The following CCDC13 variants were observed in gnomAD, a reference collection of about 807,000 sequenced individuals.
CCDC13 encodes the protein coiled-coil domain containing 13.
A neutral mutation model predicts 87.3 loss-of-function variants in CCDC13; 70 were observed. The ratio of observed to expected loss-of-function variants is 0.80; its 90% confidence interval spans 0.66 to 0.98. The LOEUF is 0.98. CCDC13 is among the 50% of genes least tolerant of loss of function. CCDC13 has a pLI of 0.00. For missense variants in CCDC13, 842 were observed against 892.0 expected, an observed-to-expected ratio of 0.94 and a Z score of 0.71; for synonymous variants, 317 against 360.3, an observed-to-expected ratio of 0.88 and a Z score of 1.36.
At chr3:42,748,682 GCCTC>G (rs1305899826) in intron 5 of CCDC13, among the ~76,000 whole-genome samples, 19 of 152,316 alleles carry the variant, frequency 1.2e-4, no homozygotes, top group African/African-American at 4.6e-4. Context: ...AGAAACTCTG[GCCTC>G]ATCCAGTGTC....
intron 13 of CCDC13, among the ~76,000 whole-genome samples, chr3:42,729,518 G>A (rs892277796): frequency 1.3e-5 from 2 of 152,168 alleles, no homozygotes; most frequent in Non-Finnish European, 2.9e-5. Context: ...TGAGCACCCG[G>A]AGGAACTTCA....
chr3:42,729,482 T>C (rs567791746), intron 13 of CCDC13, among the ~76,000 whole-genome samples: 1 of 152,352 alleles, frequency 6.6e-6, no homozygotes, highest in South Asian at 2.1e-4. Flanking sequence ...ATTTTCCCTT[T>C]GGCAAACTAC....
At position 42,732,906 on chromosome 3, in the gene CCDC13, G is replaced by A. The variant is rs1452010127; in HGVS notation, c.1576C>T (p.Pro526Ser). The change falls in exon 12 of 16, where the codon CCC (proline) becomes TCC (serine). Residue 526 changes from proline to serine, a missense_variant. Transcript: ENST00000310232. ...CCATACCTAGGTGAGGTCCTGTGGG[G>A]ACTGGGCAGGGAAGGCCTCGTGAGA... ...SALTRPSLPS[P>S]HRTSPRFSDS... 3 of 1,553,828 alleles carry A rather than the reference G, an allele frequency of 1.9e-6. No homozygotes were observed. Among genetic ancestry groups the A allele is most frequent in the Non-Finnish European group, 2.6e-6 (3 of 1,147,954 alleles).
chr3:42,735,188 G>A (rs959771927), intron 10 of CCDC13, among the ~76,000 whole-genome samples: 3 of 152,252 alleles, frequency 2.0e-5, no homozygotes, highest in African/African-American at 7.2e-5. Flanking sequence ...CCGTGGGGGA[G>A]GAGGGGAGGG....
At chr3:42,757,472 C>T (rs1392025989) in intron 2 of CCDC13, among the ~76,000 whole-genome samples, 1 of 152,226 alleles carries the variant, frequency 6.6e-6, no homozygotes, top group Non-Finnish European at 1.5e-5. Flanking sequence ...GTGGCTCATG[C>T]CTCTAATCCC....
rs1004394229 is a variant in CCDC13, at chr3:42,732,945, G to A, written c.1537C>T (p.Leu513=). The A allele has an allele frequency of 2.4e-5, 37 of 1,553,600 alleles. No homozygotes were observed. The highest frequency in any genetic ancestry group is 3.1e-5 in the Non-Finnish European group (36 of 1,147,924). Residue 513 remains leucine, a synonymous_variant, in exon 12 of 16, where the codon CTG becomes TTG. Transcript: ENST00000310232. ...SRSVTSLGHT[L]VESALTRPSL... Reference sequence around the variant, plus strand: ...GGCCTCGTGAGAGCAGATTCCACCAGTGTGTGGCCCAGGCTGGTCACAGAG... The same window carrying A: ...GGCCTCGTGAGAGCAGATTCCACCAATGTGTGGCCCAGGCTGGTCACAGAG...
chr3:42,761,818 T>C (rs1699838190), intron 1 of CCDC13, among the ~76,000 whole-genome samples: 1 of 152,182 alleles, frequency 6.6e-6, no homozygotes, highest in Non-Finnish European at 1.5e-5. Flanking sequence ...CTTGCTCCTC[T>C]GTTCCTATAC....
chr3:42,743,580 G>T (rs1241843975), intron 7 of CCDC13, among the ~76,000 whole-genome samples: 3 of 76,676 alleles, frequency 3.9e-5, no homozygotes, highest in African/African-American at 6.8e-5. Context: ...ACTGTGCCTG[G>T]ATAATTTTAT....
chr3:42,712,923 G>A (rs965990049), intron 14 of CCDC13, among the ~76,000 whole-genome samples: 3 of 152,222 alleles, frequency 2.0e-5, no homozygotes, highest in Non-Finnish European at 4.4e-5. Flanking sequence ...TCATGCTGAG[G>A]GCTTACAGGT....
chr3:42,712,644 T>C (rs1015534627), intron 14 of CCDC13, among the ~76,000 whole-genome samples: 4 of 152,126 alleles, frequency 2.6e-5, no homozygotes, highest in African/African-American at 4.8e-5. Context: ...CAGGCAGTCA[T>C]TGTAGACCAG....
chr3:42,729,238 C>A (rs1698763272), intron 13 of CCDC13, among the ~76,000 whole-genome samples: 1 of 152,180 alleles, frequency 6.6e-6, no homozygotes, highest in African/African-American at 2.4e-5. Context: ...AGAAAGCCTG[C>A]ATTGAGTATG....
intron 13 of CCDC13, among the ~76,000 whole-genome samples, chr3:42,728,568 G>A (rs1028969162): frequency 8.5e-5 from 13 of 152,184 alleles, no homozygotes; most frequent in Admixed American, 7.2e-4. Flanking sequence ...CATCAGTTTT[G>A]AAAGGAATCA....
At chr3:42,772,684 T>G (rs527372852) in intron 1 of CCDC13, among the ~76,000 whole-genome samples, 1 of 152,230 alleles carries the variant, frequency 6.6e-6, no homozygotes, top group South Asian at 2.1e-4. Flanking sequence ...GGGGTGATGC[T>G]CTGGTTCTCA....
At chr3:42,743,988 G>C (rs146152852) in intron 7 of CCDC13, among the ~76,000 whole-genome samples, 3 of 152,124 alleles carry the variant, frequency 2.0e-5, no homozygotes, top group African/African-American at 4.8e-5. Flanking sequence ...ACTGCCCTGC[G>C]TAACACTGTT....
At chr3:42,759,969 T>C (rs1472362787) in intron 1 of CCDC13, among the ~76,000 whole-genome samples, 3 of 152,186 alleles carry the variant, frequency 2.0e-5, no homozygotes, top group Non-Finnish European at 4.4e-5. Flanking sequence ...CTAGTCAGTC[T>C]AAATTTTAGA....
intron 13 of CCDC13, among the ~76,000 whole-genome samples, chr3:42,724,716 G>A (rs2125877053): frequency 6.6e-6 from 1 of 152,266 alleles, no homozygotes; most frequent in African/African-American, 2.4e-5. Flanking sequence ...TCAAGAGTCT[G>A]ACCAAAGTGA....
intron 13 of CCDC13, among the ~76,000 whole-genome samples, chr3:42,715,466 G>A (rs1698410681): frequency 1.3e-5 from 2 of 151,956 alleles, no homozygotes; most frequent in African/African-American, 4.8e-5. Context: ...ACAAAAATAA[G>A]CCTGGCACGG....
chr3:42,730,533 G>A lies in CCDC13; in HGVS notation c.1652C>T (p.Ala551Val). Residue 551 changes from alanine to valine, a missense_variant, in exon 13 of 16, where the codon GCC becomes GTC. Physicochemically the swap from Ala to Val is moderately conservative, Grantham distance 64. Transcript: ENST00000310232. ...CTCCACCTCGGCAGCCTGCCAGAGG[G>A]CCTTGATCTCTGACACTTGTGCCTG... ...GWQAQVSEIK[A>V]LWQAAEVERD... The A allele has an allele frequency of 6.2e-7, 1 of 1,614,174 alleles. No individual in the cohort carries two copies. Among genetic ancestry groups the A allele is most frequent in the Non-Finnish European group, 8.5e-7 (1 of 1,180,010 alleles).
chr3:42,771,802 A>G (rs546119752), intron 1 of CCDC13, among the ~76,000 whole-genome samples: 1 of 152,260 alleles, frequency 6.6e-6, no homozygotes, highest in African/African-American at 2.4e-5. Flanking sequence ...AATGTAAACT[A>G]TGGACTTTAG....
Sources: allele counts gnomAD v4.1 joint callset (sites outside exome capture counted in the v4.1 genomes callset), GRCh38; gene constraint gnomAD v4.1.1; transcripts MANE v1.5; gene names NCBI Gene and HGNC (gene_info 2026-07-23, HGNC 2026-07-21).